The following OSBPL9 variants were observed in gnomAD, a reference collection of about 807,000 sequenced individuals.
The protein encoded by OSBPL9 is oxysterol binding protein like 9, also known as oxysterol-binding protein-related protein 9.
Under a neutral mutation model 106.6 loss-of-function variants are expected in OSBPL9, and 40 were observed. That is an observed-to-expected ratio of 0.38 (90% confidence interval 0.29 to 0.49). The LOEUF is 0.49. OSBPL9 is among the 20% of genes least tolerant of loss of function. The pLI is 0.97. For synonymous variants in OSBPL9, 269 were observed against 295.4 expected (o/e 0.91, Z 0.92); for missense variants, 609 against 887.2 (o/e 0.69, Z 3.98).
At chr1:51,532,447 G>A in the OSBPL9 span, among the ~76,000 whole-genome samples, 1 of 152,154 alleles carries the variant, frequency 6.6e-6, no homozygotes, top group Admixed American at 6.5e-5. Context: ...GCAGGTGGAT[G>A]GGTTATCTGC....
At chr1:51,696,254 A>G (rs1655991465) in intron 3 of OSBPL9, among the ~76,000 whole-genome samples, 1 of 152,200 alleles carries the variant, frequency 6.6e-6, no homozygotes, top group African/African-American at 2.4e-5. Context: ...GTAAGCAAAG[A>G]TATTAGAGGT....
At chr1:51,616,476 C>CA (rs1644062131), upstream of OSBPL9, among the ~76,000 whole-genome samples, 1 of 152,174 alleles carries the variant, frequency 6.6e-6, no homozygotes, top group Non-Finnish European at 1.5e-5. Context: ...AAGGCTCTTC[C>CA]ACCAGGCTCC....
At chr1:51,530,184 A>AC in the OSBPL9 span, among the ~76,000 whole-genome samples, 1 of 103,410 alleles carries the variant, frequency 9.7e-6, no homozygotes, top group Admixed American at 9.4e-5. Context: ...AAAAAAAAAA[A>AC]AAAAAAAACA....
chr1:51,730,103 C>T (rs964167311), intron 4 of OSBPL9: 14 of 1,252,952 alleles, frequency 1.1e-5, no homozygotes, highest in African/African-American at 4.6e-5. Flanking sequence ...CTCACCCTGC[C>T]TCCTTCCCGC....
At chr1:51,583,202 C>G (rs907042830) in intron 1 of OSBPL9, among the ~76,000 whole-genome samples, 1 of 151,932 alleles carries the variant, frequency 6.6e-6, no homozygotes, top group Non-Finnish European at 1.5e-5. Context: ...GCCTCTATGC[C>G]GAGATAAGAT....
the OSBPL9 span, chr1:51,518,492 CA>C: frequency 6.5e-6 from 1 of 153,032 alleles, no homozygotes; most frequent in Non-Finnish European, 1.5e-5. Flanking sequence ...ACGTGGGTGG[CA>C]AAAGGCTGCA....
chr1:51,670,701 A>G (rs1179959542), intron 3 of OSBPL9, among the ~76,000 whole-genome samples: 2 of 152,244 alleles, frequency 1.3e-5, no homozygotes, highest in South Asian at 4.1e-4. Flanking sequence ...AGCTGCTTTA[A>G]TAACGATGCT....
intron 4 of OSBPL9, among the ~76,000 whole-genome samples, chr1:51,743,642 A>G (rs1004001349): frequency 2.6e-5 from 4 of 152,182 alleles, no homozygotes; most frequent in East Asian, 3.8e-4. Context: ...ACTAAAAACA[A>G]TGTATTTAGC....
intron 8 of OSBPL9, among the ~76,000 whole-genome samples, chr1:51,755,289 T>C (rs1443795507): frequency 2.6e-5 from 4 of 152,202 alleles, no homozygotes; most frequent in African/African-American, 9.7e-5. Flanking sequence ...GTTTTTGTTA[T>C]ATTTACAAAA....
In OSBPL9 at chr1:51,716,407, A is replaced by G. The variant is rs551260734; in HGVS notation, c.318+2328A>G. Reference sequence around the variant, plus strand: ...TTTCAGTGGCCTCATCTATAAAATGAGGATAATAAGAGTACCTACTTCATA... The same window carrying G: ...TTTCAGTGGCCTCATCTATAAAATGGGGATAATAAGAGTACCTACTTCATA... On this transcript the variant is annotated intron_variant, in intron 4 of 23. Coordinates refer to ENST00000428468, the MANE Select transcript of OSBPL9 (RefSeq NM_024586.6). 8.2e-4 allele frequency among the ~76,000 whole-genome samples: 125 copies of G among 152,350 alleles called. 1 individual carries two copies. The highest frequency in any genetic ancestry group is 2.8e-3 in the African/African-American group (116 of 41,590).
chr1:51,747,553 C>CTTTTTTTTTTTTTTTTTTTTTTT (rs746109312), intron 6 of OSBPL9, among the ~76,000 whole-genome samples: 7 of 42,384 alleles, frequency 1.7e-4, no homozygotes, highest in African/African-American at 2.6e-4. Context: ...CTCTCCTTGG[C>CTTTTTTTTTTTTTTTTTTTTTTT]TTTTTTTTTT....
chr1:51,769,224 T>C (rs1673307920), intron 12 of OSBPL9, among the ~76,000 whole-genome samples: 5 of 152,186 alleles, frequency 3.3e-5, no homozygotes, highest in African/African-American at 1.2e-4. Context: ...TTCTTTTTAC[T>C]ATTTTTTGTT....
intron 3 of OSBPL9, among the ~76,000 whole-genome samples, chr1:51,713,802 A>G (rs183883763): frequency 2.2e-4 from 34 of 152,262 alleles, no homozygotes; most frequent in African/African-American, 7.2e-4. Context: ...ATTGAACACA[A>G]TTATTCCCTT....
chr1:51,634,008 A>T (rs1645270528), intron 1 of OSBPL9, among the ~76,000 whole-genome samples: 1 of 152,232 alleles, frequency 6.6e-6, no homozygotes, highest in Non-Finnish European at 1.5e-5. Context: ...CTTTTGGAGC[A>T]TAGCCCCATT....
At chr1:51,746,884 T>C (rs952528000) in intron 6 of OSBPL9, 127 bp downstream of exon 6, 27 of 676,202 alleles carry the variant, frequency 4.0e-5, no homozygotes, top group Non-Finnish European at 6.4e-5. Context: ...ATTACTGCCA[T>C]ATGGACCTCA....
chr1:51,740,215 A>G (rs940409060), intron 4 of OSBPL9: 163 of 1,536,492 alleles, frequency 1.1e-4, no homozygotes, highest in Non-Finnish European at 1.3e-4. Context: ...AATAATTGTA[A>G]GTGATTGAAT....
chr1:51,689,003 C>T (rs552156657), intron 3 of OSBPL9, among the ~76,000 whole-genome samples: 17 of 152,278 alleles, frequency 1.1e-4, no homozygotes, highest in African/African-American at 3.9e-4. Context: ...GTGAAGCCTT[C>T]AGAAAGGTTG....
intron 3 of OSBPL9, among the ~76,000 whole-genome samples, chr1:51,676,821 A>G (rs544746891): frequency 8.5e-5 from 13 of 152,264 alleles, no homozygotes; most frequent in Non-Finnish European, 1.6e-4. Flanking sequence ...AAAAAACCCA[A>G]TTGGGCATTG....
intron 1 of OSBPL9, among the ~76,000 whole-genome samples, chr1:51,580,734 CTTA>C (rs1385475503): frequency 6.6e-6 from 1 of 150,884 alleles, no homozygotes; most frequent in Admixed American, 6.6e-5. Context: ...ATCTGCTTTT[CTTA>C]TTTTATATTT....
Sources: gnomAD v4.1 joint callset for allele counts (sites outside exome capture counted in the v4.1 genomes callset) on GRCh38, gnomAD v4.1.1 for gene constraint, MANE v1.5 for transcripts, NCBI Gene and HGNC (gene_info 2026-07-23, HGNC 2026-07-21) for gene names.